REPS2: variants seen among roughly 807,000 people sequenced by gnomAD.
REPS2 encodes the protein RALBP1 associated Eps domain containing 2, also known as ralBP1-associated Eps domain-containing protein 2.
A neutral mutation model predicts 53.6 loss-of-function variants in REPS2; 23 were observed. The ratio of observed to expected loss-of-function variants is 0.43; its 90% confidence interval spans 0.31 to 0.61. The LOEUF (loss-of-function observed/expected upper bound fraction) is 0.61, where lower values mean the gene tolerates loss of function less well. Among genes scored for constraint, REPS2 ranks in the 20% least tolerant of loss-of-function variants. REPS2 has a pLI of 0.11. For synonymous variants in REPS2, 238 were observed against 218.6 expected (o/e 1.09, Z -0.78); for missense variants, 446 against 534.9 (o/e 0.83, Z 1.64).
intron 2 of REPS2, among the ~76,000 whole-genome samples, chrX:17,011,057 C>CTGTGTGTG (rs60541913): frequency 8.7e-4 from 89 of 102,547 alleles, no homozygotes; most frequent in African/African-American, 2.0e-3. Context: ...TTTGCTTAAA[C>CTGTGTGTG]TGTGTGTGTG....
chrX:17,120,295 T>C (rs2063125342), intron 14 of REPS2, among the ~76,000 whole-genome samples: 1 of 111,642 alleles, frequency 9.0e-6, no homozygotes, highest in Non-Finnish European at 1.9e-5. Flanking sequence ...CAACCAGGGG[T>C]TGGGCTCAGG....
At chrX:17,155,260 G>A (rs2063604313), downstream of REPS2, among the ~76,000 whole-genome samples, 1 of 111,244 alleles carries the variant, frequency 9.0e-6, no homozygotes, top group Non-Finnish European at 1.9e-5. Flanking sequence ...ACATGGTGAG[G>A]GAGCTGAGTA....
chrX:17,047,657 G>T (rs1945034794), intron 6 of REPS2, among the ~76,000 whole-genome samples, 175 bp downstream of exon 6: 1 of 112,615 alleles, frequency 8.9e-6, no homozygotes, highest in Admixed American at 9.4e-5. Context: ...AATGACGTTT[G>T]GAAAATTATA....
chrX:17,116,621 T>C (rs1410714237), intron 14 of REPS2, among the ~76,000 whole-genome samples: 4 of 112,211 alleles, frequency 3.6e-5, no homozygotes, highest in Non-Finnish European at 7.5e-5. Flanking sequence ...TTTCCTATTC[T>C]GTTATTAAGC....
intron 1 of REPS2, among the ~76,000 whole-genome samples, chrX:17,004,186 T>G (rs1360168934): frequency 1.8e-5 from 2 of 110,305 alleles, no homozygotes; most frequent in Non-Finnish European, 3.8e-5. Flanking sequence ...ATCTTTTCAT[T>G]TTTTTCCCCT....
downstream of REPS2, among the ~76,000 whole-genome samples, chrX:17,155,801 C>T (rs1250046672): frequency 9.8e-5 from 11 of 111,977 alleles, no homozygotes; most frequent in Admixed American, 8.5e-4. Context: ...ACACAAGTGA[C>T]TAAACCCTGG....
chrX:17,046,258 A>G (rs2061904736), intron 5 of REPS2, among the ~76,000 whole-genome samples: 1 of 108,023 alleles, frequency 9.3e-6, no homozygotes, highest in Admixed American at 9.9e-5. Flanking sequence ...CCCAGGTTCA[A>G]CCTCTGCCTC....
At chrX:17,091,296 C>A (rs111413966) in intron 13 of REPS2, among the ~76,000 whole-genome samples, 1 of 111,755 alleles carries the variant, frequency 8.9e-6, no homozygotes, top group Non-Finnish European at 1.9e-5. Context: ...TGCAGTACTT[C>A]TTTGCTTTGA....
At chrX:17,106,959 G>A (rs1188323206) in intron 14 of REPS2, among the ~76,000 whole-genome samples, 5 of 111,324 alleles carry the variant, frequency 4.5e-5, no homozygotes, top group Admixed American at 1.9e-4. Flanking sequence ...GACTAGTGGA[G>A]CATAACAGAG....
At chrX:17,055,715 A>G (rs2062059131) in intron 8 of REPS2, among the ~76,000 whole-genome samples, 1 of 105,076 alleles carries the variant, frequency 9.5e-6, no homozygotes, top group African/African-American at 3.5e-5. Context: ...GGAAACCATC[A>G]TTCTCAGTAA....
Position 16,962,276 on chromosome X carries a change from TACACACACACACAC to T in REPS2, c.273+15178_273+15191del, listed in dbSNP as rs61520216. 3.1e-3 allele frequency among the ~76,000 whole-genome samples: 251 copies of T among 81,836 alleles called. 1 individual carries two copies. Among genetic ancestry groups the T allele is most frequent in the African/African-American group, 8.2e-3 (185 of 22,584 alleles). The allele number at this position is 81,836 out of a possible 115,157, so 71.1% of individuals were successfully genotyped here. ...ATGAGTGGCTAAAAATATCGTGGGA[TACACACACACACAC>T]ACACACACACACACACACACACACA... On this transcript the variant is annotated intron_variant, in intron 1 of 17. Coordinates refer to ENST00000357277, the MANE Select transcript of REPS2 (RefSeq NM_004726.3).
chrX:17,172,940 T>G, the REPS2 span, among the ~76,000 whole-genome samples: 1 of 106,472 alleles, frequency 9.4e-6, no homozygotes, highest in African/African-American at 3.4e-5. Flanking sequence ...ATTCCAAATT[T>G]TACTATATTG....
At chrX:17,096,089 A>G (rs1160885651) in intron 13 of REPS2, among the ~76,000 whole-genome samples, 13 of 112,356 alleles carry the variant, frequency 1.2e-4, no homozygotes, top group Non-Finnish European at 7.5e-5. Context: ...ACGTTGGGTC[A>G]TACACAAGAA....
At chrX:17,170,436 T>TA in the REPS2 span, among the ~76,000 whole-genome samples, 3 of 112,831 alleles carry the variant, frequency 2.7e-5, no homozygotes, top group African/African-American at 6.4e-5. Context: ...GTTTGGTTGT[T>TA]AGTTATAAAA....
chrX:17,118,192 C>T (rs1431031185), intron 14 of REPS2, among the ~76,000 whole-genome samples: 1 of 108,104 alleles, frequency 9.3e-6, no homozygotes, highest in Non-Finnish European at 1.9e-5. Context: ...ATCTCCTGAC[C>T]TCGTGATCCG....
chrX:17,113,561 A>G (rs963928774), intron 14 of REPS2, among the ~76,000 whole-genome samples: 5 of 111,576 alleles, frequency 4.5e-5, no homozygotes, highest in Non-Finnish European at 9.4e-5. Flanking sequence ...ATGAAGAAAC[A>G]ATTCTGTTTC....
chrX:17,121,094 A>C (rs1243110893), intron 14 of REPS2, among the ~76,000 whole-genome samples: 1 of 111,740 alleles, frequency 8.9e-6, no homozygotes, highest in Non-Finnish European at 1.9e-5. Context: ...CTTTTATACA[A>C]CTGGCAGCTT....
intron 8 of REPS2, among the ~76,000 whole-genome samples, chrX:17,059,540 T>G (rs1411563179): frequency 9.1e-6 from 1 of 110,132 alleles, no homozygotes; most frequent in Admixed American, 9.7e-5. Context: ...TGATCTTGGC[T>G]CACTGCAATC....
At chrX:17,048,207 T>C (rs771712784) in intron 6 of REPS2, among the ~76,000 whole-genome samples, 2 of 112,798 alleles carry the variant, frequency 1.8e-5, no homozygotes, top group South Asian at 7.3e-4. Context: ...ACCTGCCATA[T>C]TGAAGTGTGG....
Sources: gnomAD v4.1 joint callset for allele counts (sites outside exome capture counted in the v4.1 genomes callset) on GRCh38, gnomAD v4.1.1 for gene constraint, MANE v1.5 for transcripts, NCBI Gene and HGNC (gene_info 2026-07-23, HGNC 2026-07-21) for gene names.